Variants in FOXP1 observed in about 807,000 individuals in gnomAD.
FOXP1 encodes the protein forkhead box P1.
A neutral mutation model predicts 98.2 loss-of-function variants in FOXP1; 15 were observed. The ratio of observed to expected loss-of-function variants is 0.15; its 90% confidence interval spans 0.10 to 0.24. The LOEUF is 0.24. Ranked by LOEUF, FOXP1 falls within the 10% of genes least tolerant of loss-of-function variation. The pLI, the probability that FOXP1 is intolerant of heterozygous loss-of-function variation, is 1.00. For missense variants in FOXP1, 633 were observed against 848.5 expected, an observed-to-expected ratio of 0.75 and a Z score of 3.15; for synonymous variants, 371 against 314.5, an observed-to-expected ratio of 1.18 and a Z score of -1.90.
At chr3:71,446,190 C>T in intron 3 of FOXP1, among the ~76,000 whole-genome samples, 1 of 152,154 alleles carries the variant, frequency 6.6e-6, no homozygotes, top group East Asian at 1.9e-4. Context: ...GCTCTGCCAT[C>T]TTGCTAAGAC....
At chr3:71,451,023 A>T (rs113633845) in intron 3 of FOXP1, among the ~76,000 whole-genome samples, 1 of 152,148 alleles carries the variant, frequency 6.6e-6, no homozygotes, top group African/African-American at 2.4e-5. Flanking sequence ...TCAAATCTCA[A>T]AATCCTCTTG....
rs557652724 is a variant in FOXP1 at position 71,292,859 on chromosome 3, AC to A, written c.-12+6960del. Among the ~76,000 whole-genome samples the A allele has an allele frequency of 7.7e-4, 118 of 152,290 alleles. 1 individual carries two copies. The highest frequency in any genetic ancestry group is 2.7e-3 in the African/African-American group (114 of 41,550). ...CCAGATCAGTGGCAGAGAGGAACAA[AC>A]TGAAACGATTCATCTTCATTTCAAA... On this transcript the variant is annotated intron_variant, in intron 5 of 20. Transcript: ENST00000649528.
rs967364491 is a variant in FOXP1 at position 71,314,626 on chromosome 3, T to C, written c.-72-14746A>G. Among the ~76,000 whole-genome samples the C allele has an allele frequency of 4.6e-5, 7 of 151,892 alleles. No homozygotes were observed. The Middle Eastern group carries it at 0.01, about 221-fold the overall frequency. On this transcript the variant is annotated intron_variant, in intron 4 of 20. Coordinates refer to ENST00000649528, the MANE Select transcript of FOXP1 (RefSeq NM_001349338.3). ...TCAGATTTTAAACTTCTTAAGAACA[T>C]AGTGCTAAAATAAAATCAAAGTACT...
intron 17 of FOXP1, among the ~76,000 whole-genome samples, chr3:70,974,355 T>TGGTTCAATTATGGCTCACTGAAGCCTTG (rs2037043163): frequency 1.3e-5 from 2 of 152,174 alleles, no homozygotes; most frequent in Non-Finnish European, 2.9e-5. Flanking sequence ...TGCAGTGCAG[T>TGGTTCAATTATGGCTCACTGAAGCCTTG]GGTTCAATTA....
At chr3:71,053,895 A>G in intron 7 of FOXP1, 122 bp from the exon 8 acceptor site, 1 of 983,926 alleles carries the variant, frequency 1.0e-6, no homozygotes. Flanking sequence ...TGCAACATGT[A>G]TTTATCCAGA....
intron 3 of FOXP1, among the ~76,000 whole-genome samples, chr3:71,446,229 T>C (rs1192538561): frequency 2.0e-5 from 3 of 152,172 alleles, no homozygotes; most frequent in Admixed American, 6.5e-5. Flanking sequence ...CTGTCACTTG[T>C]GGGCACCCTT....
At chr3:70,996,272 C>G (rs1164671998) in intron 13 of FOXP1, among the ~76,000 whole-genome samples, 2 of 152,182 alleles carry the variant, frequency 1.3e-5, no homozygotes, top group African/African-American at 4.8e-5. Flanking sequence ...GCGTGAGCCA[C>G]CACGCCTGCC....
intron 13 of FOXP1, among the ~76,000 whole-genome samples, chr3:70,998,197 G>A (rs1158692064): frequency 1.3e-5 from 2 of 152,164 alleles, no homozygotes; most frequent in Admixed American, 1.3e-4. Flanking sequence ...CAGCTTTGCA[G>A]GCCATGTAGA....
chr3:71,155,962 A>G (rs1430728268), intron 6 of FOXP1, among the ~76,000 whole-genome samples: 1 of 152,188 alleles, frequency 6.6e-6, no homozygotes, highest in Non-Finnish European at 1.5e-5. Flanking sequence ...ACAAGCCCTT[A>G]TTTGCTAAAT....
In FOXP1 at chr3:70,992,909, G is replaced by A. The variant is rs566891691; in HGVS notation, c.1063-4832C>T. ...GCAATATGGAACTACCGTGCTGTTA[G>A]GACCTCTCTTTCCCCGACGTGCTCA... On this transcript the variant is annotated intron_variant, in intron 13 of 20. Transcript: ENST00000649528. Among the ~76,000 whole-genome samples the A allele has an allele frequency of 1.3e-5, 2 of 152,274 alleles. 1 individual carries two copies. Among genetic ancestry groups the A allele is most frequent in the African/African-American group, 4.8e-5 (2 of 41,568 alleles).
At chr3:71,170,276 CAAT>C (rs1406997821) in intron 6 of FOXP1, among the ~76,000 whole-genome samples, 2 of 152,290 alleles carry the variant, frequency 1.3e-5, no homozygotes, top group Non-Finnish European at 2.9e-5. Context: ...TATATCACAA[CAAT>C]GACGCTCCCC....
intron 4 of FOXP1, among the ~76,000 whole-genome samples, chr3:71,302,361 T>C (rs925480311): frequency 6.6e-6 from 1 of 152,108 alleles, no homozygotes; most frequent in African/African-American, 2.4e-5. Flanking sequence ...CATTTCATTT[T>C]TTCCAAAGCA....
chr3:71,369,784 C>T (rs1166273046), intron 3 of FOXP1, among the ~76,000 whole-genome samples: 1 of 152,144 alleles, frequency 6.6e-6, no homozygotes, highest in African/African-American at 2.4e-5. Flanking sequence ...AGTTAATCAA[C>T]TCAGAGGGAA....
At chr3:71,111,528 G>A (rs1299869053) in intron 7 of FOXP1, among the ~76,000 whole-genome samples, 1 of 152,116 alleles carries the variant, frequency 6.6e-6, no homozygotes, top group East Asian at 1.9e-4. Flanking sequence ...CTCCCTAGTA[G>A]CTGGGATTAC....
intron 5 of FOXP1, among the ~76,000 whole-genome samples, chr3:71,269,603 CA>C (rs1245354084): frequency 6.6e-6 from 1 of 152,126 alleles, no homozygotes; most frequent in Non-Finnish European, 1.5e-5. Context: ...CGCCAAAGTG[CA>C]ACATGTAAGT....
At chr3:71,314,350 G>A (rs2074920002) in intron 4 of FOXP1, among the ~76,000 whole-genome samples, 1 of 152,022 alleles carries the variant, frequency 6.6e-6, no homozygotes, top group African/African-American at 2.4e-5. Flanking sequence ...CCATCATGGT[G>A]AAACCCATCT....
At chr3:71,521,010 T>C (rs985285163) in intron 2 of FOXP1, among the ~76,000 whole-genome samples, 10 of 152,134 alleles carry the variant, frequency 6.6e-5, no homozygotes, top group African/African-American at 2.2e-4. Flanking sequence ...ACAGTGTGCA[T>C]CTACCAGGTG....
chr3:70,959,437 T>C (rs372149601), intron 20 of FOXP1, 46 bp from the exon 21 acceptor site: 56 of 1,612,298 alleles, frequency 3.5e-5, no homozygotes, highest in South Asian at 6.6e-5. Context: ...TCCCAGCCCA[T>C]TGCAGCTCAG....
intron 5 of FOXP1, among the ~76,000 whole-genome samples, chr3:71,234,233 T>A (rs2106810125): frequency 6.6e-6 from 1 of 152,214 alleles, no homozygotes; most frequent in African/African-American, 2.4e-5. Flanking sequence ...CCAGATTATT[T>A]GCCAAATGGC....
Sources: allele counts gnomAD v4.1 joint callset (sites outside exome capture counted in the v4.1 genomes callset), GRCh38; gene constraint gnomAD v4.1.1; transcripts MANE v1.5; gene names NCBI Gene and HGNC (gene_info 2026-07-23, HGNC 2026-07-21).